FECH: variants seen among roughly 807,000 people sequenced by gnomAD.
The protein encoded by FECH is ferrochelatase, mitochondrial.
Under a neutral mutation model 56.9 loss-of-function variants are expected in FECH, and 40 were observed. The observed-to-expected ratio is 0.70, with a 90% CI of 0.55 to 0.92. FECH has a LOEUF of 0.92. Among genes scored for constraint, FECH ranks in the 40% least tolerant of loss-of-function variants. FECH has a pLI of 0.00. For missense variants in FECH, 431 were observed against 529.1 expected (o/e 0.81, Z 1.82); for synonymous variants, 175 against 198.6 (o/e 0.88, Z 1.00).
chr18:57,549,283 A>AT lies in FECH; in HGVS notation c.*1428dup, dbSNP rs1487844575. The stretch of plus-strand genomic sequence containing the variant: ...AAGCTCCTCACATTTAATAATTCTG[A>AT]TTTAGATCAGTTTTGATTTAACAGA... On this transcript the variant is annotated 3_prime_UTR_variant, in exon 11 of 11. Transcript: ENST00000262093. 6.6e-6 allele frequency: 1 copy of AT among 152,212 alleles called. No individual in the cohort carries two copies. The highest frequency in any genetic ancestry group is 1.5e-5 in the Non-Finnish European group (1 of 68,038). 9.4% of individuals were successfully genotyped at this position (152,212 alleles called of 1,614,324 possible).
intron 2 of FECH, among the ~76,000 whole-genome samples, chr18:57,575,277 T>C (rs1353850132): frequency 6.6e-6 from 1 of 152,186 alleles, no homozygotes; most frequent in Non-Finnish European, 1.5e-5. Flanking sequence ...CTGAAGTTTA[T>C]CTAAACACCG....
At position 57,548,256 on chromosome 18, in the gene FECH, A is replaced by C. The variant is rs1029962490; in HGVS notation, c.*2456T>G. 1 of 151,454 alleles carries C rather than the reference A, an allele frequency of 6.6e-6. No homozygotes were observed. The highest frequency in any genetic ancestry group is 2.4e-5 in the African/African-American group (1 of 41,064). 9.4% of individuals were successfully genotyped at this position (151,454 alleles called of 1,614,324 possible). ...ACATAGCAAGACTCCATCTTAAAAA[A>C]AAAAAAAAACAAAACAAAACAATGA... On this transcript the variant is annotated 3_prime_UTR_variant, in exon 11 of 11. Coordinates refer to ENST00000262093, the MANE Select transcript of FECH (RefSeq NM_000140.5).
chr18:57,564,703 T>C (rs1366032963), intron 5 of FECH, among the ~76,000 whole-genome samples: 1 of 152,174 alleles, frequency 6.6e-6, no homozygotes, highest in Non-Finnish European at 1.5e-5. Context: ...TCAGAAACAA[T>C]CTCTCCAGAA....
chr18:57,546,787 C>T lies in FECH; in HGVS notation c.*3925G>A, dbSNP rs1451958818. Among the ~76,000 whole-genome samples the T allele has an allele frequency of 2.0e-5, 3 of 151,728 alleles. No individual in the cohort carries two copies. The highest frequency in any genetic ancestry group is 4.4e-5 in the Non-Finnish European group (3 of 67,948). On this transcript the variant is annotated 3_prime_UTR_variant, in exon 11 of 11. Transcript: ENST00000262093. ...CAGCCTGACCAACATGGTCAGGCCC[C>T]ATCTCTACTAAAAATACAAAAATTA...
rs146867727 is a variant in FECH, at chr18:57,557,168, A to T, written c.804+1977T>A. Reference sequence around the variant, plus strand: ...CTGTACAGTGGTTGTGTAAGATGTTAACACTGGGAGAGGCTGAGTAGAGGG... The same window carrying T: ...CTGTACAGTGGTTGTGTAAGATGTTTACACTGGGAGAGGCTGAGTAGAGGG... On this transcript the variant is annotated intron_variant, in intron 7 of 10. Coordinates refer to ENST00000262093, the MANE Select transcript of FECH (RefSeq NM_000140.5). Among the ~76,000 whole-genome samples the T allele has an allele frequency of 2.2e-3, 334 of 152,320 alleles. 2 individuals are homozygous for T. The highest frequency in any genetic ancestry group is 7.5e-3 in the African/African-American group (311 of 41,578).
chr18:57,573,076 C>T, intron 3 of FECH, 170 bp downstream of exon 3: 1 of 711,364 alleles, frequency 1.4e-6, no homozygotes, highest in Non-Finnish European at 2.4e-6. Context: ...CTCTCTCCCC[C>T]TGCAATTTTC....
Position 57,566,531 on chromosome 18 carries a change from C to T in FECH, c.514G>A (p.Glu172Lys), listed in dbSNP as rs200650502. The T allele has an allele frequency of 6.0e-4, 962 of 1,614,128 alleles. 14 individuals carry two copies. The South Asian group carries it at 0.01, about 17-fold the overall frequency. ...GFRYVHPLTE[E>K]AIEEMERDGL... is the part of the protein sequence containing the mutation. The stretch of plus-strand genomic sequence containing the variant: ...TCTCTCTCCATCTCTTCAATTGCTT[C>T]TTCTGTTAAAGGATGGACGTACCGA... The change falls in exon 5 of 11, where the codon GAA becomes AAA. Residue 172 changes from glutamate to lysine, a missense_variant. Physicochemically the swap from Glu to Lys is moderately conservative, Grantham distance 56. Coordinates refer to ENST00000262093, the MANE Select transcript of FECH (RefSeq NM_000140.5).
chr18:57,569,811 A>G (rs952210400), intron 4 of FECH, among the ~76,000 whole-genome samples: 1 of 151,794 alleles, frequency 6.6e-6, no homozygotes, highest in South Asian at 2.1e-4. Context: ...CAGCATAGCA[A>G]TTGCAAATCT....
chr18:57,580,259 G>C, intron 1 of FECH, 60 bp from the exon 2 acceptor site: 1 of 1,590,072 alleles, frequency 6.3e-7, no homozygotes, highest in Non-Finnish European at 8.6e-7. Context: ...CTTCTGAAGA[G>C]GTCCTCAGAG....
At chr18:57,581,884 T>A (rs537458816) in intron 1 of FECH, among the ~76,000 whole-genome samples, 1 of 152,116 alleles carries the variant, frequency 6.6e-6, no homozygotes, top group East Asian at 1.9e-4. Context: ...ACCACCCAGA[T>A]TGTACACATT....
At chr18:57,558,147 A>G (rs2050892087) in intron 7 of FECH, among the ~76,000 whole-genome samples, 1 of 152,214 alleles carries the variant, frequency 6.6e-6, no homozygotes, top group South Asian at 2.1e-4. Flanking sequence ...TAAAACCTCA[A>G]TCACCCCTGT....
chr18:57,566,393 G>A (rs761210529), intron 5 of FECH, 54 bp downstream of exon 5: 7 of 1,613,114 alleles, frequency 4.3e-6, no homozygotes, highest in Non-Finnish European at 5.1e-6. Context: ...AGACTCCTTG[G>A]TTATTTTTGC....
In FECH at chr18:57,562,959, T is replaced by C; in HGVS notation, c.620A>G (p.Tyr207Cys). The C allele has an allele frequency of 9.3e-6, 15 of 1,614,122 alleles. No homozygotes were observed. Among genetic ancestry groups the C allele is most frequent in the Non-Finnish European group, 1.3e-5 (15 of 1,179,998 alleles). ...STTGSSLNAI[Y>C]RYYNQVGRKP... is the part of the protein sequence containing the mutation. ...CCGTCCCACTTGATTATAGTATCTG[T>C]AAATGGCATTTAAGCTGCTGCCTGA... Residue 207 changes from tyrosine (Y) to cysteine (C), a missense_variant, in exon 6 of 11, where the codon TAC becomes TGC. Physicochemically the swap from Tyr to Cys is radical, Grantham distance 194 (BLOSUM62 -2). Transcript: ENST00000262093.
chr18:57,563,271 G>C (rs1450645712), intron 5 of FECH, among the ~76,000 whole-genome samples: 1 of 152,120 alleles, frequency 6.6e-6, no homozygotes, highest in African/African-American at 2.4e-5. Context: ...ATATTTACAG[G>C]GACCAAGTCT....
At chr18:57,568,814 T>C (rs2051053053) in intron 4 of FECH, among the ~76,000 whole-genome samples, 1 of 152,242 alleles carries the variant, frequency 6.6e-6, no homozygotes, top group African/African-American at 2.4e-5. Flanking sequence ...AAAGAAAAGT[T>C]TGAAATATGT....
intron 7 of FECH, among the ~76,000 whole-genome samples, chr18:57,556,709 G>A (rs2050871928): frequency 6.6e-6 from 1 of 151,908 alleles, no homozygotes; most frequent in African/African-American, 2.4e-5. Context: ...CCAGGAGGTC[G>A]AGACCAGACT....
chr18:57,554,902 T>C lies in FECH; in HGVS notation c.855A>G (p.Gln285=). 1.2e-6 allele frequency: 2 copies of C among 1,614,176 alleles called. No individual in the cohort carries two copies. Among genetic ancestry groups the C allele is most frequent in the South Asian group, 2.2e-5 (2 of 91,078 alleles). The change falls in exon 8 of 11, where the codon CAA becomes CAG. Residue 285 remains glutamine (Q), a synonymous_variant. Transcript: ENST00000262093. ...AGTACTCCAGCCTTTCCATGACTTT[T>C]TGGACAGTGGCGCTTACCTCCTGAG... The part of the protein sequence containing the change: ...PYPQEVSATV[Q]KVMERLEYCN...
At chr18:57,554,521 G>A (rs545408637) in intron 8 of FECH, 97 bp from the exon 9 acceptor site, 151 of 1,292,576 alleles carry the variant, frequency 1.2e-4, no homozygotes, top group African/African-American at 1.1e-3. Context: ...TGCCCACTGC[G>A]GGCAAGAGCC....
In FECH at chr18:57,549,460, ACAAAGTTTCAGGG is replaced by A. The variant is rs2050768129; in HGVS notation, c.*1239_*1251del. 1 of 151,822 alleles carries A rather than the reference ACAAAGTTTCAGGG, an allele frequency of 6.6e-6. No individual in the cohort carries two copies. Among genetic ancestry groups the A allele is most frequent in the African/African-American group, 2.4e-5 (1 of 41,384 alleles). The allele number at this position is 151,822 out of a possible 1,614,324, so 9.4% of individuals were successfully genotyped here. A position where few individuals can be genotyped will look rare whatever the true frequency, so the allele number is the denominator to read the frequency against. ...AAAAAAAGAAACGCTCTTTTGAAGA[ACAAAGTTTCAGGG>A]CTTGGAGGAAAGAGAAAGTGATCTT... On this transcript the variant is annotated 3_prime_UTR_variant, in exon 11 of 11. Coordinates refer to ENST00000262093, the MANE Select transcript of FECH (RefSeq NM_000140.5).
Sources: gnomAD v4.1 joint callset for allele counts (sites outside exome capture counted in the v4.1 genomes callset) on GRCh38, gnomAD v4.1.1 for gene constraint, MANE v1.5 for transcripts, NCBI Gene and HGNC (gene_info 2026-07-23, HGNC 2026-07-21) for gene names.